The following THSD4 variants were observed in gnomAD, a reference collection of about 807,000 sequenced individuals.
THSD4 encodes the protein thrombospondin type-1 domain-containing protein 4.
THSD4 carries 69 observed loss-of-function variants against 119.0 expected under a neutral mutation model. That is an observed-to-expected ratio of 0.58 (90% CI 0.48 to 0.71). THSD4 has a LOEUF of 0.71. Ranked by LOEUF, THSD4 falls within the 30% of genes least tolerant of loss-of-function variation. THSD4 has a pLI of 0.00. For synonymous variants in THSD4, 524 were observed against 540.4 expected (o/e 0.97, Z 0.42); for missense variants, 1,393 against 1,391.1 (o/e 1.00, Z -0.02).
intron 6 of THSD4, among the ~76,000 whole-genome samples, chr15:71,317,366 T>A (rs747009356): frequency 4.6e-5 from 7 of 152,212 alleles, no homozygotes; most frequent in Non-Finnish European, 8.8e-5. Flanking sequence ...ATGGATTCAC[T>A]GTTCCACATG....
intron 7 of THSD4, among the ~76,000 whole-genome samples, chr15:71,444,172 A>G (rs2047148855): frequency 6.6e-6 from 1 of 152,224 alleles, no homozygotes; most frequent in African/African-American, 2.4e-5. Context: ...CTGGGTGGAC[A>G]GGCACGCAGA....
Position 71,198,413 on chromosome 15 carries a change from C to T in THSD4, c.100-16622C>T, listed in dbSNP as rs111940955. Among the ~76,000 whole-genome samples, 113 of 152,352 alleles carry T rather than the reference C, an allele frequency of 7.4e-4. 1 individual carries two copies. Among genetic ancestry groups the T allele is most frequent in the African/African-American group, 2.7e-3 (111 of 41,582 alleles). On this transcript the variant is annotated intron_variant, in intron 3 of 17. Transcript: ENST00000261862. ...TCTTCACTTGGCTCTTCCTGGCAGGCAGCTCTGTCCCCTTTCTTTGTAGTG... is the reference window on the plus strand; with the variant it reads ...TCTTCACTTGGCTCTTCCTGGCAGGTAGCTCTGTCCCCTTTCTTTGTAGTG...
At chr15:71,421,986 CT>C (rs1247084529) in intron 7 of THSD4, among the ~76,000 whole-genome samples, 3 of 152,198 alleles carry the variant, frequency 2.0e-5, no homozygotes, top group Admixed American at 2.0e-4. Flanking sequence ...TGTCAGTTAA[CT>C]TTTTCAGCTC....
intron 8 of THSD4, among the ~76,000 whole-genome samples, chr15:71,676,982 G>T (rs2051665122): frequency 6.6e-6 from 1 of 152,192 alleles, no homozygotes; most frequent in Admixed American, 6.5e-5. Flanking sequence ...TGGAATTGAT[G>T]AGTCATATGG....
rs71438517 is a variant in THSD4 at position 71,524,587 on chromosome 15, C to CTTTT, written c.1152+112789_1152+112792dup. Among the ~76,000 whole-genome samples, 92 of 59,522 alleles carry CTTTT rather than the reference C, an allele frequency of 1.5e-3. 4 individuals carry two copies. Among genetic ancestry groups the CTTTT allele is most frequent in the African/African-American group, 3.3e-3 (58 of 17,580 alleles). 39.0% of individuals were successfully genotyped at this position (59,522 alleles called of 152,430 possible). ...TAAGAGCCCTTCTTGGTTTATGCCT[C>CTTTT]TTTTTTTTTTTTTTTTTTTTTTTTT... On this transcript the variant is annotated intron_variant, in intron 7 of 17. Coordinates refer to ENST00000261862, the MANE Select transcript of THSD4 (RefSeq NM_024817.3).
At chr15:71,719,288 A>G (rs907492514) in intron 8 of THSD4, among the ~76,000 whole-genome samples, 10 of 152,224 alleles carry the variant, frequency 6.6e-5, no homozygotes, top group African/African-American at 2.2e-4. Flanking sequence ...GTGTTACATC[A>G]TGTTTTAGAA....
chr15:71,172,700 T>TATATATATATATATGTGAC (rs2043387234), intron 3 of THSD4, among the ~76,000 whole-genome samples: 3 of 98,762 alleles, frequency 3.0e-5, no homozygotes, highest in African/African-American at 1.7e-4. Flanking sequence ...TATATATATA[T>TATATATATATATATGTGAC]ATATATATAT....
At chr15:71,472,306 T>C (rs1354198882) in intron 7 of THSD4, among the ~76,000 whole-genome samples, 1 of 152,220 alleles carries the variant, frequency 6.6e-6, no homozygotes, top group African/African-American at 2.4e-5. Context: ...CTTATAAACT[T>C]AAGAGTCAAA....
Position 71,365,105 on chromosome 15 carries a change from C to T in THSD4, c.1016-46582C>T, listed in dbSNP as rs111241266. Reference sequence around the variant, plus strand: ...GGAAATGATACTCACTTGTAGTTCACGAAAATATATCCACTGCCCCCCCCA... The same window carrying T: ...GGAAATGATACTCACTTGTAGTTCATGAAAATATATCCACTGCCCCCCCCA... On this transcript the variant is annotated intron_variant, in intron 6 of 17. Coordinates refer to ENST00000261862, the MANE Select transcript of THSD4 (RefSeq NM_024817.3). 8.9e-3 allele frequency among the ~76,000 whole-genome samples: 1,325 copies of T among 149,406 alleles called. 22 individuals carry two copies. Among genetic ancestry groups the T allele is most frequent in the African/African-American group, 0.031 (1,246 of 40,602 alleles).
intron 7 of THSD4, among the ~76,000 whole-genome samples, chr15:71,623,740 T>A (rs2050458882): frequency 1.3e-5 from 2 of 152,030 alleles, no homozygotes; most frequent in Admixed American, 6.6e-5. Flanking sequence ...CTGGCCAACG[T>A]GGTGACACCC....
chr15:71,468,669 C>G (rs978880732), intron 7 of THSD4, among the ~76,000 whole-genome samples: 1 of 152,232 alleles, frequency 6.6e-6, no homozygotes, highest in African/African-American at 2.4e-5. Flanking sequence ...TTCTGCCTCA[C>G]GTTAGGTAAG....
At chr15:71,118,439 T>C (rs1808199217) in intron 1 of THSD4, among the ~76,000 whole-genome samples, 1 of 152,176 alleles carries the variant, frequency 6.6e-6, no homozygotes, top group South Asian at 2.1e-4. Flanking sequence ...CCTGTGTCTC[T>C]TCCCTGCATT....
intron 7 of THSD4, among the ~76,000 whole-genome samples, chr15:71,433,255 CACAG>C (rs1197299350): frequency 4.6e-5 from 7 of 150,726 alleles, no homozygotes; most frequent in African/African-American, 1.5e-4. Flanking sequence ...TTAGATATGA[CACAG>C]ACATTTCATG....
rs1036333298 is a variant in THSD4, at chr15:71,745,091, C to G, written c.1907-15C>G. On this transcript the variant is annotated splice_polypyrimidine_tract_variant and intron_variant, in intron 11 of 17. Transcript: ENST00000261862. ...TGTGTGGGACTGTCCTTCAGACATT[C>G]TCCTGTTGTTGCAGGATCGCAGTAC... 9 of 1,608,290 alleles carry G rather than the reference C, an allele frequency of 5.6e-6. No homozygotes were observed. Among genetic ancestry groups the G allele is most frequent in the East Asian group, 2.2e-5 (1 of 44,756 alleles).
At chr15:71,372,243 A>G (rs1440079540) in intron 6 of THSD4, among the ~76,000 whole-genome samples, 2 of 152,306 alleles carry the variant, frequency 1.3e-5, no homozygotes, top group East Asian at 3.9e-4. Context: ...TTTAGTTCAG[A>G]GAAGTTTGAT....
At chr15:71,240,286 G>A (rs1000215183) in intron 4 of THSD4, among the ~76,000 whole-genome samples, 3 of 152,166 alleles carry the variant, frequency 2.0e-5, no homozygotes, top group African/African-American at 7.2e-5. Flanking sequence ...TCCCGGGCCA[G>A]CAGATCTTTT....
At chr15:71,645,742 A>G (rs1206021324) in intron 7 of THSD4, among the ~76,000 whole-genome samples, 1 of 152,174 alleles carries the variant, frequency 6.6e-6, no homozygotes, top group Non-Finnish European at 1.5e-5. Flanking sequence ...TGTTTGGGAG[A>G]GGTTTTAGTA....
intron 8 of THSD4, among the ~76,000 whole-genome samples, chr15:71,727,336 A>G (rs2052862349): frequency 6.6e-6 from 1 of 151,902 alleles, no homozygotes; most frequent in South Asian, 2.1e-4. Flanking sequence ...TACATGAGAA[A>G]ATCATGTGAC....
At chr15:71,430,378 C>G (rs2046926378) in intron 7 of THSD4, among the ~76,000 whole-genome samples, 2 of 152,044 alleles carry the variant, frequency 1.3e-5, no homozygotes, top group African/African-American at 4.8e-5. Flanking sequence ...GCATAAAGTA[C>G]AATTAGAATA....
Sources: allele counts gnomAD v4.1 joint callset (sites outside exome capture counted in the v4.1 genomes callset), GRCh38; gene constraint gnomAD v4.1.1; transcripts MANE v1.5; gene names NCBI Gene and HGNC (gene_info 2026-07-23, HGNC 2026-07-21).